The following EPB41L1 variants were observed in gnomAD, a reference collection of about 807,000 sequenced individuals.
EPB41L1 encodes the protein erythrocyte membrane protein band 4.1 like 1.
A neutral mutation model predicts 97.8 loss-of-function variants in EPB41L1; 29 were observed. The observed-to-expected ratio is 0.30, with a 90% CI of 0.22 to 0.40. The LOEUF is 0.40. Among genes scored for constraint, EPB41L1 ranks in the 10% least tolerant of loss-of-function variants. The probability of loss-of-function intolerance (pLI) is 1.00; values close to 1 mark genes in which losing one functional copy is unlikely to be tolerated. For synonymous variants in EPB41L1, 383 were observed against 459.2 expected, an observed-to-expected ratio of 0.83 and a Z score of 2.12; for missense variants, 812 against 1,162.3, an observed-to-expected ratio of 0.70 and a Z score of 4.38.
intron 2 of EPB41L1, among the ~76,000 whole-genome samples, chr20:36,147,005 T>C (rs1274434229): frequency 6.6e-6 from 1 of 151,856 alleles, no homozygotes; most frequent in Admixed American, 6.6e-5. Flanking sequence ...AAATTAGCAG[T>C]GCATGGTGGT....
At chr20:36,181,445 G>A (rs2061468785) in intron 5 of EPB41L1, among the ~76,000 whole-genome samples, 1 of 152,158 alleles carries the variant, frequency 6.6e-6, no homozygotes, top group Non-Finnish European at 1.5e-5. Context: ...TCACATCTAA[G>A]TGTGGAGGTT....
chr20:36,192,949 G>A (rs1250056037), intron 11 of EPB41L1, among the ~76,000 whole-genome samples: 1 of 152,234 alleles, frequency 6.6e-6, no homozygotes, highest in African/African-American at 2.4e-5. Flanking sequence ...ATATGAAAAT[G>A]AGACCTGTCT....
intron 1 of EPB41L1, among the ~76,000 whole-genome samples, chr20:36,103,739 T>C (rs2058097377): frequency 6.7e-6 from 1 of 150,286 alleles, no homozygotes; most frequent in Non-Finnish European, 1.5e-5. Flanking sequence ...AGTCTCACTC[T>C]GTCGCCCAGG....
Position 36,093,370 on chromosome 20 carries a change from G to A in EPB41L1, c.-65+1758G>A, listed in dbSNP as rs575781977. Among the ~76,000 whole-genome samples the A allele has an allele frequency of 6.6e-6, 1 of 151,968 alleles. No homozygotes were observed. The highest frequency in any genetic ancestry group is 6.5e-5 in the Admixed American group (1 of 15,276). On this transcript the variant is annotated intron_variant, in intron 1 of 19. Coordinates refer to the EPB41L1 transcript ENST00000202028. The surrounding 1 kb of genome is among the most constrained non-coding windows in gnomAD (Gnocchi z 5.4). The stretch of plus-strand genomic sequence containing the variant: ...CTGTGTGCGCGCCAGTGTAACTCCC[G>A]TGTGTGCGCGTGTGAGTGCGGGTGT...
Position 36,207,346 on chromosome 20 carries a change from C to T in EPB41L1, c.1669-2142C>T, listed in dbSNP as rs1229628256. ...TGAAGAAGCTGAGGGGCGCATACCT[C>T]TGGGGTTTGGGTTCCCTTCAGGGAA... On this transcript the variant is annotated intron_variant, in intron 14 of 21. Transcript: ENST00000338074. The surrounding 1 kb of genome is among the most constrained non-coding windows in gnomAD (Gnocchi z 4.9). The T allele has an allele frequency of 1.6e-6, 2 of 1,288,260 alleles. No homozygotes were observed. Among genetic ancestry groups the T allele is most frequent in the African/African-American group, 3.0e-5 (2 of 65,790 alleles). The allele number at this position is 1,288,260 out of a possible 1,614,324, so 79.8% of individuals were successfully genotyped here.
chr20:36,124,397 C>A (rs2058878691), intron 2 of EPB41L1, among the ~76,000 whole-genome samples: 1 of 152,194 alleles, frequency 6.6e-6, no homozygotes, highest in Non-Finnish European at 1.5e-5. Context: ...TTCCTGCCTC[C>A]CCCTTCCAGC....
At chr20:36,110,829 C>T (rs1329609717) in intron 1 of EPB41L1, 1 of 152,224 alleles carries the variant, frequency 6.6e-6, no homozygotes, top group Non-Finnish European at 1.5e-5. Flanking sequence ...CTCTCTGTGA[C>T]CTTGGGCAAG....
At chr20:36,134,688 G>C (rs1206919377) in intron 2 of EPB41L1, among the ~76,000 whole-genome samples, 1 of 152,126 alleles carries the variant, frequency 6.6e-6, no homozygotes, top group Admixed American at 6.6e-5. Flanking sequence ...TTACTGCCCA[G>C]CCTGGGCTAT....
intron 7 of EPB41L1, among the ~76,000 whole-genome samples, chr20:36,186,863 T>C (rs1166362840): frequency 6.6e-6 from 1 of 152,174 alleles, no homozygotes; most frequent in East Asian, 1.9e-4. Flanking sequence ...CACAGGAAAC[T>C]GAGGCCTGGA....
At chr20:36,123,403 A>T (rs956624411) in intron 2 of EPB41L1, among the ~76,000 whole-genome samples, 2 of 152,188 alleles carry the variant, frequency 1.3e-5, no homozygotes, top group African/African-American at 4.8e-5. Context: ...TGTCTTCCAG[A>T]TCACATGTCC....
At chr20:36,141,121 C>T (rs191824798) in intron 2 of EPB41L1, among the ~76,000 whole-genome samples, 4 of 152,188 alleles carry the variant, frequency 2.6e-5, no homozygotes, top group East Asian at 3.9e-4. Context: ...CTCAGGATTA[C>T]GTGTTCATTT....
rs140335751 is a variant in EPB41L1 at position 36,144,583 on chromosome 20, G to A, written c.-9-30968G>A. 3.9e-3 allele frequency among the ~76,000 whole-genome samples: 587 copies of A among 152,294 alleles called. 4 individuals carry two copies. The highest frequency in any genetic ancestry group is 0.027 in the Middle Eastern group (8 of 294). On this transcript the variant is annotated intron_variant, in intron 2 of 19. Transcript: ENST00000202028. Reference sequence around the variant, plus strand: ...TTCTTATCCTGGTGGGACACTCTCTGATACAGGAAGTGCCTCTGCCTTGTG... The same window carrying A: ...TTCTTATCCTGGTGGGACACTCTCTAATACAGGAAGTGCCTCTGCCTTGTG...
intron 9 of EPB41L1, among the ~76,000 whole-genome samples, chr20:36,189,731 A>G (rs1049333997): frequency 1.3e-5 from 2 of 152,078 alleles, no homozygotes; most frequent in African/African-American, 4.8e-5. Flanking sequence ...AGTGTCTGCA[A>G]TTATCTTGTT....
intron 2 of EPB41L1, among the ~76,000 whole-genome samples, chr20:36,149,140 TGATATTATCCCCATTGTACA>T (rs1158487672): frequency 1.3e-5 from 2 of 152,150 alleles, no homozygotes; most frequent in Non-Finnish European, 2.9e-5. Context: ...AAGACGGTGC[TGATATTATCCCCATTGTACA>T]GATGGGGCAA....
Position 36,232,362 on chromosome 20 carries a change from G to T in EPB41L1, c.*3022G>T. 1 of 356,776 alleles carries T rather than the reference G, an allele frequency of 2.8e-6. No homozygotes were observed. Among genetic ancestry groups the T allele is most frequent in the Admixed American group, 4.7e-5 (1 of 21,334 alleles). The allele number at this position is 356,776 out of a possible 1,614,324, so 22.1% of individuals were successfully genotyped here. ...TGGCTCAGCTCCTAACTCACCATGTGACATCAGGCTATCCCCATTCCCCCT... is the reference window on the plus strand; with the variant it reads ...TGGCTCAGCTCCTAACTCACCATGTTACATCAGGCTATCCCCATTCCCCCT... On this transcript the variant is annotated 3_prime_UTR_variant, in exon 22 of 22. Coordinates refer to ENST00000338074, the MANE Select transcript of EPB41L1 (RefSeq NM_012156.2).
chr20:36,118,578 A>T (rs2058658334), intron 2 of EPB41L1, among the ~76,000 whole-genome samples: 1 of 151,958 alleles, frequency 6.6e-6, no homozygotes, highest in South Asian at 2.1e-4. Flanking sequence ...TGATTGCACA[A>T]CTCCGTATGT....
chr20:36,209,711 G>T lies in EPB41L1; in HGVS notation c.1892G>T (p.Ser631Ile), dbSNP rs2063022720. 1 of 1,614,186 alleles carries T rather than the reference G, an allele frequency of 6.2e-7. No homozygotes were observed. The highest frequency in any genetic ancestry group is 1.6e-4 in the Middle Eastern group (1 of 6,062). The change falls in exon 15 of 22, where the codon AGC becomes ATC. Residue 631 changes from serine to isoleucine, a missense_variant. Physicochemically the swap from Ser to Ile is moderately radical, Grantham distance 142. Around this residue, in one of 3 missense-constraint regions of EPB41L1, gnomAD observed 498 missense variants for 622.7 expected, o/e 0.80. Coordinates refer to ENST00000338074, the MANE Select transcript of EPB41L1 (RefSeq NM_012156.2). The surrounding 1 kb of genome is among the most constrained non-coding windows in gnomAD (Gnocchi z 4.2). ...ACGGTCATTGGTGACTACCATGGCA[G>T]CGCCTTCGAAGACTTCTCCCGCAGC... ...DFTVIGDYHG[S>I]AFEDFSRSLP...
Position 36,158,673 on chromosome 20 carries a change from G to A in EPB41L1, c.-15+3777G>A, listed in dbSNP as rs559271402. The stretch of plus-strand genomic sequence containing the variant: ...CACAGCAATGCATTGTATTAGCCAC[G>A]TGGCCTTGGGCACATCACTCAGCTG... On this transcript the variant is annotated intron_variant, in intron 1 of 21. Transcript: ENST00000338074. 8.2e-4 allele frequency among the ~76,000 whole-genome samples: 125 copies of A among 152,264 alleles called. 1 individual carries two copies. The highest frequency in any genetic ancestry group is 2.8e-3 in the African/African-American group (116 of 41,548).
chr20:36,171,574 T>C (rs2060991110), intron 1 of EPB41L1, among the ~76,000 whole-genome samples: 1 of 152,148 alleles, frequency 6.6e-6, no homozygotes, highest in Non-Finnish European at 1.5e-5. Flanking sequence ...TCCACCGTTA[T>C]CCACTCTGTG....
Sources: allele counts gnomAD v4.1 joint callset (sites outside exome capture counted in the v4.1 genomes callset), GRCh38; gene constraint gnomAD v4.1.1; regional missense constraint gnomAD v4.1.1; non-coding constraint Gnocchi (gnomAD v3.1); transcripts MANE v1.5; gene names NCBI Gene and HGNC (gene_info 2026-07-23, HGNC 2026-07-21).